The following KCNMA1 variants were observed in gnomAD, a reference collection of about 807,000 sequenced individuals.
KCNMA1 encodes Calcium-activated potassium channel subunit alpha-1.
A neutral mutation model predicts 140.0 loss-of-function variants in KCNMA1; 29 were observed. The ratio of observed to expected loss-of-function variants is 0.21; its 90% CI spans 0.15 to 0.28. KCNMA1 has a LOEUF of 0.28. Ranked by LOEUF, KCNMA1 falls within the 10% of genes least tolerant of loss-of-function variation. KCNMA1 has a pLI of 1.00. For missense variants in KCNMA1, 880 were observed against 1,602.2 expected (o/e 0.55, Z 7.70); for synonymous variants, 612 against 611.9 (o/e 1.00, Z 0.00).
chr10:77,262,836 G>A (rs1330386636), intron 2 of KCNMA1, among the ~76,000 whole-genome samples: 1 of 152,016 alleles, frequency 6.6e-6, no homozygotes. Context: ...CATGAACCAA[G>A]ATAAATCTCT....
At chr10:77,559,709 T>C (rs1277856694) in intron 1 of KCNMA1, among the ~76,000 whole-genome samples, 1 of 152,180 alleles carries the variant, frequency 6.6e-6, no homozygotes, top group Non-Finnish European at 1.5e-5. Flanking sequence ...AAAAAAATGC[T>C]TCTGGTTTCA....
chr10:77,191,809 G>A (rs769253935), intron 3 of KCNMA1, among the ~76,000 whole-genome samples: 5 of 152,048 alleles, frequency 3.3e-5, no homozygotes, highest in Non-Finnish European at 7.4e-5. Context: ...AGTACTGATC[G>A]ATTATGATCC....
chr10:77,630,956 C>T (rs2395500), intron 1 of KCNMA1, among the ~76,000 whole-genome samples: 1 of 151,178 alleles, frequency 6.6e-6, no homozygotes, highest in Non-Finnish European at 1.5e-5. Flanking sequence ...AAATTTAAAA[C>T]CTAGCCAGGT....
At chr10:77,215,336 T>TC (rs1294846721) in intron 3 of KCNMA1, among the ~76,000 whole-genome samples, 1 of 70,884 alleles carries the variant, frequency 1.4e-5, no homozygotes, top group Non-Finnish European at 3.5e-5. Flanking sequence ...TGGTCTTTTC[T>TC]TTATCTTCTG....
chr10:77,428,733 G>A (rs2097081990), intron 1 of KCNMA1, among the ~76,000 whole-genome samples: 1 of 152,006 alleles, frequency 6.6e-6, no homozygotes, highest in East Asian at 1.9e-4. Flanking sequence ...AAGAAAGAGG[G>A]ATGAAGAGAA....
chr10:77,553,951 T>C (rs562189787), intron 1 of KCNMA1, among the ~76,000 whole-genome samples: 1 of 152,102 alleles, frequency 6.6e-6, no homozygotes, highest in South Asian at 2.1e-4. Flanking sequence ...ATTCCAGTTT[T>C]GTAGGTCTTG....
chr10:76,914,415 G>A (rs749471556), intron 24 of KCNMA1: 3 of 502,462 alleles, frequency 6.0e-6, no homozygotes, highest in Non-Finnish European at 1.1e-5. Context: ...GGCATTTGCT[G>A]AAAATGGCTT....
At chr10:77,025,401 G>C in intron 16 of KCNMA1, 1 of 1,560,952 alleles carries the variant, frequency 6.4e-7, no homozygotes, top group Non-Finnish European at 8.8e-7. Context: ...TAGGAGTGAA[G>C]ATAGAGGGTG....
chr10:76,915,060 G>T lies in KCNMA1; in HGVS notation c.2903-11C>A. ...CTGGAGGTGTGAACCCTAGTGGGAA[G>T]GAAACAGAGGAGGAAGAAAAATCAG... On this transcript the variant is annotated splice_polypyrimidine_tract_variant and intron_variant, in intron 23 of 27. Transcript: ENST00000286628. The T allele has an allele frequency of 6.3e-7, 1 of 1,586,912 alleles. No homozygotes were observed. Among genetic ancestry groups the T allele is most frequent in the Non-Finnish European group, 8.7e-7 (1 of 1,155,696 alleles).
chr10:77,574,797 C>T (rs1217391964), intron 1 of KCNMA1, among the ~76,000 whole-genome samples: 1 of 152,258 alleles, frequency 6.6e-6, no homozygotes, highest in Non-Finnish European at 1.5e-5. Context: ...ACCCAACACA[C>T]TGTAAGTGCC....
chr10:77,423,932 A>G (rs1566757308), intron 1 of KCNMA1, among the ~76,000 whole-genome samples: 2 of 152,192 alleles, frequency 1.3e-5, no homozygotes. Flanking sequence ...CCATCCATGA[A>G]CAATATGTTA....
rs56706119 is a variant in KCNMA1 at position 77,572,569 on chromosome 10, CATATATATATATAT to C, written c.378+64682_378+64695del. On this transcript the variant is annotated intron_variant, in intron 1 of 27. Coordinates refer to ENST00000286628, the MANE Select transcript of KCNMA1 (RefSeq NM_001161352.2). ...TGTCGCTCCAAAAAAAAAAAAAATC[CATATATATATATAT>C]ATATATATATATATATATATAAATT... Among the ~76,000 whole-genome samples the C allele has an allele frequency of 9.0e-3, 337 of 37,562 alleles. 27 individuals carry two copies. The highest frequency in any genetic ancestry group is 0.027 in the African/African-American group (246 of 9,280). 24.6% of individuals were successfully genotyped at this position (37,562 alleles called of 152,430 possible).
downstream of KCNMA1, chr10:76,876,148 G>C (rs2032344306): frequency 6.6e-6 from 1 of 152,562 alleles, no homozygotes; most frequent in African/African-American, 2.4e-5. Context: ...TGATCTCATT[G>C]CTTTGCTCTG....
At chr10:77,263,991 A>G (rs905827587) in intron 2 of KCNMA1, among the ~76,000 whole-genome samples, 3 of 152,168 alleles carry the variant, frequency 2.0e-5, no homozygotes, top group African/African-American at 7.2e-5. Flanking sequence ...TTGTATTTAC[A>G]ATTGAATTCT....
intron 7 of KCNMA1, among the ~76,000 whole-genome samples, chr10:77,111,595 C>A (rs1219655442): frequency 2.6e-5 from 4 of 152,172 alleles, no homozygotes; most frequent in African/African-American, 9.7e-5. Context: ...AGGCCCCATG[C>A]CCCAACCACT....
At chr10:77,371,051 C>T (rs908424861) in intron 2 of KCNMA1, among the ~76,000 whole-genome samples, 2 of 152,176 alleles carry the variant, frequency 1.3e-5, no homozygotes, top group South Asian at 2.1e-4. Context: ...CAGGTTAAAT[C>T]CCCTTCCTCT....
intron 18 of KCNMA1, chr10:77,008,082 G>C (rs2089634734): frequency 8.3e-7 from 1 of 1,198,220 alleles, no homozygotes. Flanking sequence ...AATACCAAAA[G>C]TAAAAGGGAA....
rs2151647076 is a variant in KCNMA1 at position 76,885,955 on chromosome 10, T to C, written c.*1311A>G. On this transcript the variant is annotated 3_prime_UTR_variant, in exon 28 of 28. Coordinates refer to ENST00000286628, the MANE Select transcript of KCNMA1 (RefSeq NM_001161352.2). ...AAGGAGCAGCTCTCTATTGCCGTCA[T>C]TACCCTGCCTAAATTGGCTACATTA... The C allele has an allele frequency of 1.0e-6, 1 of 985,468 alleles. No homozygotes were observed. Among genetic ancestry groups the C allele is most frequent in the Non-Finnish European group, 1.2e-6 (1 of 829,938 alleles). The allele number at this position is 985,468 out of a possible 1,614,324, so 61.0% of individuals were successfully genotyped here.
intron 1 of KCNMA1, among the ~76,000 whole-genome samples, chr10:77,553,551 T>C (rs1199689014): frequency 6.6e-6 from 1 of 152,174 alleles, no homozygotes; most frequent in Non-Finnish European, 1.5e-5. Flanking sequence ...AAGCTGTTCC[T>C]CCATAATGCA....
Sources: gnomAD v4.1 joint callset for allele counts (sites outside exome capture counted in the v4.1 genomes callset) on GRCh38, gnomAD v4.1.1 for gene constraint, MANE v1.5 for transcripts, NCBI Gene and HGNC (gene_info 2026-07-23, HGNC 2026-07-21) for gene names.